Variants in RNF213 observed in about 807,000 individuals in gnomAD.
RNF213 encodes ring finger protein 213.
In RNF213, 341 loss-of-function variants were observed where a neutral mutation model predicts 514.4. That is an observed-to-expected ratio of 0.66 (90% confidence interval 0.61 to 0.73). RNF213 has a LOEUF of 0.73. Among genes scored for constraint, RNF213 ranks in the 30% least tolerant of loss-of-function variants. RNF213 has a pLI of 0.00. For missense variants in RNF213, 5,767 were observed against 6,615.6 expected, an observed-to-expected ratio of 0.87 and a Z score of 4.45; for synonymous variants, 2,655 against 2,658.2, an observed-to-expected ratio of 1.00 and a Z score of 0.04.
At chr17:80,286,071 G>A (rs982098909) in intron 3 of RNF213, among the ~76,000 whole-genome samples, 9 of 152,202 alleles carry the variant, frequency 5.9e-5, no homozygotes, top group South Asian at 2.1e-4. Flanking sequence ...GTCAGCCTGC[G>A]CTGGGAGTGA....
At chr17:80,308,437 CCTGAGTCCCTCCTAAGCCTCCTT>C (rs1198277596) in intron 13 of RNF213, among the ~76,000 whole-genome samples, 5 of 151,932 alleles carry the variant, frequency 3.3e-5, no homozygotes, top group East Asian at 3.9e-4. Context: ...CAAGGCTCCT[CCTGAGTCCCTCCTAAGCCTCCTT>C]CTGAGTCCCT....
At chr17:80,368,903 C>A (rs763397098) in intron 44 of RNF213, among the ~76,000 whole-genome samples, 5 of 152,252 alleles carry the variant, frequency 3.3e-5, no homozygotes, top group Non-Finnish European at 5.9e-5. Flanking sequence ...CCCTTCCCCC[C>A]TTCTCAGGCC....
intron 11 of RNF213, among the ~76,000 whole-genome samples, chr17:80,299,330 T>C (rs910243974): frequency 2.6e-5 from 4 of 152,194 alleles, no homozygotes; most frequent in Non-Finnish European, 4.4e-5. Flanking sequence ...ATAAGCATCC[T>C]TAGCTTTCTC....
At chr17:80,302,648 G>T (rs1568035498) in intron 11 of RNF213, among the ~76,000 whole-genome samples, 1 of 152,094 alleles carries the variant, frequency 6.6e-6, no homozygotes, top group Non-Finnish European at 1.5e-5. Context: ...TTGAGGCCAG[G>T]AGTTCAAGAC....
chr17:80,362,999 A>C (rs1448255973), intron 39 of RNF213, 103 bp from the exon 40 acceptor site: 25 of 1,119,196 alleles, frequency 2.2e-5, no homozygotes, highest in Non-Finnish European at 3.0e-5. Flanking sequence ...CATGGTTTCT[A>C]ATTTCCTCTT....
At chr17:80,352,714 G>A (rs957307013) in intron 32 of RNF213, 30 of 677,544 alleles carry the variant, frequency 4.4e-5, no homozygotes, top group African/African-American at 7.0e-5. Context: ...AGGTCTTACC[G>A]TTGCTGCTTA....
chr17:80,390,527 G>T (rs1388021641), intron 67 of RNF213, among the ~76,000 whole-genome samples: 4 of 152,044 alleles, frequency 2.6e-5, no homozygotes, highest in African/African-American at 9.7e-5. Flanking sequence ...TTCCCAAATA[G>T]CTGGGACTAC....
chr17:80,347,581 G>T lies in RNF213; in HGVS notation c.9246G>T (p.Gln3082His), dbSNP rs1331328537. The change falls in exon 29 of 68, where the codon CAG (glutamine) becomes CAT (histidine). Residue 3082 changes from glutamine to histidine, a missense_variant. Coordinates refer to ENST00000582970, the MANE Select transcript of RNF213 (RefSeq NM_001256071.3). This position sits in a 1 kb window ranked among gnomAD's most constrained non-coding sequence, Gnocchi z 7.2. ...SGFPKDQEYT[Q>H]LCRNINRVKI... ...TCCCCAAGGACCAAGAGTACACCCA[G>T]CTCTGCAGAAACATCAATCGTGTGA... is the stretch of plus-strand genomic sequence containing the variant. 6.2e-7 allele frequency: 1 copy of T among 1,614,132 alleles called. No individual in the cohort carries two copies. Among genetic ancestry groups the T allele is most frequent in the Non-Finnish European group, 8.5e-7 (1 of 1,180,028 alleles).
intron 58 of RNF213, 91 bp downstream of exon 58, chr17:80,383,161 C>A: frequency 1.1e-6 from 1 of 884,438 alleles, no homozygotes; most frequent in Non-Finnish European, 1.9e-6. Context: ...TGTTGCCCCT[C>A]GTAGCGGTGC....
intron 22 of RNF213, among the ~76,000 whole-genome samples, chr17:80,335,938 C>T (rs2077975657): frequency 6.8e-6 from 1 of 147,628 alleles, no homozygotes; most frequent in Non-Finnish European, 1.5e-5. Context: ...GATCATGTCA[C>T]TTCACTCCAG....
intron 25 of RNF213, 119 bp from the exon 26 acceptor site, chr17:80,339,082 C>CATTAAAAATA: frequency 1.4e-6 from 1 of 738,296 alleles, no homozygotes; most frequent in Non-Finnish European, 2.1e-6. Flanking sequence ...GAGCGCAGAT[C>CATTAAAAATA]ATGCAGTGGG....
chr17:80,353,220 A>G lies in RNF213; in HGVS notation c.10423+161A>G, dbSNP rs1377406581. ...GCAGAACTGACTGGTGGCTCATCAT[A>G]GAGCACCAGGGCCGAGCAGGTGCGC... On this transcript the variant is annotated intron_variant, in intron 33 of 67. Coordinates refer to ENST00000582970, the MANE Select transcript of RNF213 (RefSeq NM_001256071.3). The surrounding 1 kb of genome is among the most constrained non-coding windows in gnomAD (Gnocchi z 5.0). 9.7e-7 allele frequency: 1 copy of G among 1,033,940 alleles called. No individual in the cohort carries two copies. The highest frequency in any genetic ancestry group is 1.4e-6 in the Non-Finnish European group (1 of 695,286). 64.0% of individuals were successfully genotyped at this position (1,033,940 alleles called of 1,614,324 possible).
intron 37 of RNF213, among the ~76,000 whole-genome samples, chr17:80,359,524 C>CAAAAAAAAAAA (rs559552051): frequency 3.1e-5 from 1 of 32,488 alleles, no homozygotes; most frequent in African/African-American, 1.4e-4. Context: ...GACTCTATCT[C>CAAAAAAAAAAA]AAAAAAAAAA....
intron 64 of RNF213, 94 bp from the exon 65 acceptor site, chr17:80,389,079 G>A: frequency 8.1e-7 from 1 of 1,230,006 alleles, no homozygotes; most frequent in Non-Finnish European, 1.2e-6. Flanking sequence ...CCCGCATGTG[G>A]CTTGGGCAGT....
intron 13 of RNF213, among the ~76,000 whole-genome samples, chr17:80,307,671 T>C (rs1386930080): frequency 2.0e-5 from 3 of 152,142 alleles, no homozygotes; most frequent in Non-Finnish European, 4.4e-5. Context: ...TTCCTCAGCC[T>C]CCTGAGTAGC....
chr17:80,347,895 T>A lies in RNF213; in HGVS notation c.9560T>A (p.Ile3187Asn), dbSNP rs777735748. ...NTVLEKWQKS[I>N]VEELCAWVEK... ...GTGCTGGAGAAATGGCAGAAGAGCATCGTGGAGGAGCTCTGTGCGTGGGTG... is the reference window on the plus strand; with the variant it reads ...GTGCTGGAGAAATGGCAGAAGAGCAACGTGGAGGAGCTCTGTGCGTGGGTG... The change falls in exon 29 of 68, where the codon ATC (isoleucine) becomes AAC (asparagine). Residue 3187 changes from isoleucine (I) to asparagine (N), a missense_variant. This residue lies in a region of RNF213 where 919 missense variants were observed against 1,121.0 expected (regional missense o/e 0.82). Coordinates refer to ENST00000582970, the MANE Select transcript of RNF213 (RefSeq NM_001256071.3). The surrounding 1 kb of genome is among the most constrained non-coding windows in gnomAD (Gnocchi z 7.2). 6.2e-7 allele frequency: 1 copy of A among 1,614,108 alleles called. No individual in the cohort carries two copies. Among genetic ancestry groups the A allele is most frequent in the African/African-American group, 1.3e-5 (1 of 74,928 alleles).
Position 80,353,040 on chromosome 17 carries a change from G to A in RNF213, c.10404G>A (p.Ala3468=), listed in dbSNP as rs765317317. The A allele has an allele frequency of 3.5e-5, 57 of 1,613,024 alleles. No homozygotes were observed. The highest frequency in any genetic ancestry group is 2.9e-4 in the East Asian group (13 of 44,890). Residue 3468 remains alanine (A), a synonymous_variant, in exon 33 of 68, where the codon GCG becomes GCA. Transcript: ENST00000582970. The surrounding 1 kb of genome is among the most constrained non-coding windows in gnomAD (Gnocchi z 5.0). Reference sequence around the variant, plus strand: ...ATGTCACCATCAGCCAGCTGTTCGCGCCCGGAGACTTGCCTGAGCGTGAGT... The same window carrying A: ...ATGTCACCATCAGCCAGCTGTTCGCACCCGGAGACTTGCCTGAGCGTGAGT... ...LQHVTISQLF[A]PGDLPELGLE...
chr17:80,380,253 C>T (rs561261054), intron 55 of RNF213, among the ~76,000 whole-genome samples: 4 of 152,324 alleles, frequency 2.6e-5, no homozygotes, highest in South Asian at 4.1e-4. Context: ...ATGCTCCTTT[C>T]AGAGAGTGAG....
chr17:80,346,255 C>T lies in RNF213; in HGVS notation c.7920C>T (p.Asp2640=), dbSNP rs144219136. 2.0e-4 allele frequency: 322 copies of T among 1,614,118 alleles called. No homozygotes were observed. The East Asian group carries it at 4.8e-3, about 24-fold the overall frequency. The change falls in exon 29 of 68, where the codon GAC becomes GAT. Residue 2640 remains aspartate (D), a synonymous_variant. Transcript: ENST00000582970. The surrounding 1 kb of genome is among the most constrained non-coding windows in gnomAD (Gnocchi z 8.1). ...AGTGCAGCTTTGTCAGCCTCAGGGA[C>T]GTGGAGCGCTGTGTGAAAGTTTTCA... is the stretch of plus-strand genomic sequence containing the variant. ...EDECSFVSLR[D]VERCVKVFRW... is the part of the protein sequence containing the mutation.
Sources: gnomAD v4.1 joint callset for allele counts (sites outside exome capture counted in the v4.1 genomes callset) on GRCh38, gnomAD v4.1.1 for gene constraint, gnomAD v4.1.1 regional missense constraint, Gnocchi (gnomAD v3.1) non-coding constraint, MANE v1.5 for transcripts, NCBI Gene and HGNC (gene_info 2026-07-23, HGNC 2026-07-21) for gene names.